Variants in PDZD7 observed in about 807,000 individuals in gnomAD.
The protein encoded by PDZD7 is PDZ domain-containing protein 7.
PDZD7 carries 72 observed loss-of-function variants against 84.7 expected under a neutral mutation model. The ratio of observed to expected loss-of-function variants is 0.85; its 90% CI spans 0.70 to 1.03. PDZD7 has a LOEUF of 1.03. Among genes scored for constraint, PDZD7 ranks in the 50% least tolerant of loss-of-function variants. The pLI is 0.00. For synonymous variants in PDZD7, 594 were observed against 580.7 expected (o/e 1.02, Z -0.33); for missense variants, 1,490 against 1,412.9 (o/e 1.05, Z -0.87).
Position 101,007,881 on chromosome 10 carries a change from C to CCCG in PDZD7, c.*585_*586insCGG, listed in dbSNP as rs1486339525. ...GAGTACAGGAACTTGTTTGACCCCC[C>CCCG]CCCCCCCACCATTTGCTGGCTATTC... On this transcript the variant is annotated 3_prime_UTR_variant, in exon 17 of 17. Coordinates refer to ENST00000619208, the MANE Select transcript of PDZD7 (RefSeq NM_001195263.2). 1 of 82,046 alleles carries CCCG rather than the reference C, an allele frequency of 1.2e-5. No individual in the cohort carries two copies. Among genetic ancestry groups the CCCG allele is most frequent in the Non-Finnish European group, 2.5e-5 (1 of 40,180 alleles). 5.1% of individuals were successfully genotyped at this position (82,046 alleles called of 1,614,324 possible). A position where few individuals can be genotyped will look rare whatever the true frequency, so the allele number is the denominator to read the frequency against.
intron 11 of PDZD7, 46 bp downstream of exon 11, chr10:101,015,590 G>T: frequency 6.7e-7 from 1 of 1,494,594 alleles, no homozygotes; most frequent in South Asian, 1.2e-5. Flanking sequence ...TGGGCTGGGT[G>T]ACTGAAGGAC....
At chr10:101,016,844 A>T (rs1322982882) in intron 9 of PDZD7, among the ~76,000 whole-genome samples, 5 of 151,980 alleles carry the variant, frequency 3.3e-5, no homozygotes, top group Admixed American at 2.6e-4. Flanking sequence ...GTGGGAAGAG[A>T]GATGCACTGA....
At position 101,018,989 on chromosome 10, in the gene PDZD7, A is replaced by G; in HGVS notation, c.1157T>C (p.Val386Ala). Residue 386 changes from valine (V) to alanine (A), a missense_variant, in exon 8 of 17, where the codon GTG becomes GCG. By Grantham distance (64) the Val-to-Ala change is moderately conservative. Coordinates refer to ENST00000619208, the MANE Select transcript of PDZD7 (RefSeq NM_001195263.2). ...AGGRVETWCS[V>A]RPTVILRDTA... ...GTCCCTGAGGATGACTGTGGGCCGC[A>G]CGCTGCACCAGGTCTCCACCCGGCC... The G allele has an allele frequency of 6.3e-7, 1 of 1,582,996 alleles. No homozygotes were observed. Among genetic ancestry groups the G allele is most frequent in the Admixed American group, 1.8e-5 (1 of 55,472 alleles).
chr10:101,026,792 G>A (rs1374293621), intron 2 of PDZD7, among the ~76,000 whole-genome samples: 1 of 151,862 alleles, frequency 6.6e-6, no homozygotes, highest in African/African-American at 2.4e-5. Context: ...GCAGCCTGGG[G>A]GGAGGGGTGG....
At position 101,030,159 on chromosome 10, in the gene PDZD7, A is replaced by C. The variant is rs1267998934; in HGVS notation, c.61T>G (p.Ser21Ala). The C allele has an allele frequency of 6.2e-7, 1 of 1,613,996 alleles. No individual in the cohort carries two copies. The highest frequency in any genetic ancestry group is 8.5e-7 in the Non-Finnish European group (1 of 1,179,974). ...CCTCGGGAGGAGAGGGAGCTCAGAG[A>C]GCCGGAGCTCAGGTCTCCTAGGCCC... The part of the protein sequence containing the change: ...PLGLGDLSSG[S>A]LSSLSSRGHL... The change falls in exon 2 of 17, where the codon TCT becomes GCT. Residue 21 changes from serine to alanine, a missense_variant. Physicochemically the swap from Ser to Ala is moderately conservative, Grantham distance 99 (BLOSUM62 1). Transcript: ENST00000619208.
In PDZD7 at chr10:101,021,938, G is replaced by C. The variant is rs561472174; in HGVS notation, c.727C>G (p.His243Asp). Reference sequence around the variant, plus strand: ...CCATTCTCCTCGGCCAGCCCACCATGGTCCACTCTGAGGCCAGACAGGCGT... The same window carrying C: ...CCATTCTCCTCGGCCAGCCCACCATCGTCCACTCTGAGGCCAGACAGGCGT... ...GLGIYVSKVD[H>D]GGLAEENGIK... The change falls in exon 6 of 17, where the codon CAT becomes GAT. Residue 243 changes from histidine to aspartate, a missense_variant. Transcript: ENST00000619208. 4 of 1,614,092 alleles carry C rather than the reference G, an allele frequency of 2.5e-6. No individual in the cohort carries two copies. In the African/African-American group the frequency reaches 4.0e-5, roughly 16 times the overall value.
At chr10:101,012,939 C>G (rs984203481) in intron 11 of PDZD7, among the ~76,000 whole-genome samples, 2 of 152,238 alleles carry the variant, frequency 1.3e-5, no homozygotes, top group Non-Finnish European at 2.9e-5. Context: ...ACCAGCCACA[C>G]CCCACTGACT....
In PDZD7 at chr10:101,023,474, A is replaced by G; in HGVS notation, c.504T>C (p.Arg168=). The part of the protein sequence containing the change: ...RLHMMVRRMG[R]VPGIKFSKEK... ...CCTTGGAGAACTTGATGCCCGGCACACGGCCCATGCGCCGAACCATCATGT... is the reference window on the plus strand; with the variant it reads ...CCTTGGAGAACTTGATGCCCGGCACGCGGCCCATGCGCCGAACCATCATGT... Residue 168 remains arginine, a synonymous_variant, in exon 4 of 17, where the codon CGT becomes CGC. Coordinates refer to ENST00000619208, the MANE Select transcript of PDZD7 (RefSeq NM_001195263.2). 1 of 1,614,048 alleles carries G rather than the reference A, an allele frequency of 6.2e-7. No individual in the cohort carries two copies. Among genetic ancestry groups the G allele is most frequent in the South Asian group, 1.1e-5 (1 of 91,090 alleles).
In PDZD7 at chr10:101,018,836, T is replaced by G. The variant is rs1171645832; in HGVS notation, c.1310A>C (p.Tyr437Ser). 6.3e-7 allele frequency: 1 copy of G among 1,599,278 alleles called. No individual in the cohort carries two copies. The highest frequency in any genetic ancestry group is 8.5e-7 in the Non-Finnish European group (1 of 1,171,638). The part of the protein sequence containing the change: ...PRPPITRSQS[Y>S]LTLWEEKQQR... ...CCCCCACGTACCCCACAAGGTCAGA[T>G]AGCTCTGGGAGCGCGTGATGGGGGG... Residue 437 changes from tyrosine (Y) to serine (S), a missense_variant, in exon 8 of 17, where the codon TAT (tyrosine) becomes TCT (serine). Physicochemically the swap from Tyr to Ser is moderately radical, Grantham distance 144 (BLOSUM62 -2). Coordinates refer to ENST00000619208, the MANE Select transcript of PDZD7 (RefSeq NM_001195263.2).
chr10:101,020,700 T>C, intron 6 of PDZD7, 22 bp from the exon 7 acceptor site: 1 of 1,600,804 alleles, frequency 6.2e-7, no homozygotes, highest in East Asian at 2.2e-5. Flanking sequence ...ATGGTGGGCA[T>C]AGGAGGGAAG....
At chr10:101,030,493 G>A in intron 1 of PDZD7, 109 bp from the exon 2 acceptor site, 1 of 607,960 alleles carries the variant, frequency 1.6e-6, no homozygotes, top group South Asian at 1.8e-5. Flanking sequence ...CCATGCCTTA[G>A]GCCCCCCTCC....
chr10:101,019,542 G>GCCGCCTCCTCCTCCTCCTCCTCCT (rs1852934224), intron 7 of PDZD7, among the ~76,000 whole-genome samples: 1 of 89,240 alleles, frequency 1.1e-5, no homozygotes, highest in African/African-American at 2.9e-5. Flanking sequence ...TTCTGCTTCT[G>GCCGCCTCCTCCTCCTCCTCCTCCT]CCTCCTCCTC....
chr10:101,019,322 C>G, intron 7 of PDZD7, 105 bp from the exon 8 acceptor site: 1 of 1,437,326 alleles, frequency 7.0e-7, no homozygotes, highest in Non-Finnish European at 9.3e-7. Context: ...GGTCAGGCAG[C>G]AGCCAGGGTT....
Position 101,008,576 on chromosome 10 carries a change from TG to T in PDZD7, c.2992del (p.Gln998ArgfsTer47). 2 of 1,535,530 alleles carry T rather than the reference TG, an allele frequency of 1.3e-6. No individual in the cohort carries two copies. The highest frequency in any genetic ancestry group is 2.4e-5 in the South Asian group (2 of 84,012). On this transcript the variant is annotated frameshift_variant, in exon 17 of 17. Transcript: ENST00000619208. LOFTEE classifies it low-confidence loss of function (END_TRUNC). Reference protein sequence around the residue: ...HWLPEPPTNPQTPPTDARLLQ... With the variant: ...HWLPEPPTNPXTPPTDARLLQ... ...GAGCCTGGCATCAGTGGGAGGAGTCTGGGGATTGGTGGGAGGTTCTGGGAGC... is the reference window on the plus strand; with the variant it reads ...GAGCCTGGCATCAGTGGGAGGAGTCTGGGATTGGTGGGAGGTTCTGGGAGC...
rs1272442068 is a variant in PDZD7 at position 101,021,925 on chromosome 10, G to C, written c.740C>G (p.Ala247Gly). 2 of 1,613,950 alleles carry C rather than the reference G, an allele frequency of 1.2e-6. No individual in the cohort carries two copies. The highest frequency in any genetic ancestry group is 1.1e-5 in the South Asian group (1 of 91,082). ...YVSKVDHGGL[A>G]EENGIKVGDQ... ...CCCCACCTTGATGCCATTCTCCTCG[G>C]CCAGCCCACCATGGTCCACTCTGAG... Residue 247 changes from alanine to glycine, a missense_variant, in exon 6 of 17, where the codon GCC becomes GGC. Transcript: ENST00000619208.
rs894683705 is a variant in PDZD7, at chr10:101,011,915, C to G, written c.1933+10G>C. 6.7e-5 allele frequency: 104 copies of G among 1,549,838 alleles called. No homozygotes were observed. The highest frequency in any genetic ancestry group is 8.7e-5 in the Non-Finnish European group (100 of 1,146,936). On this transcript the variant is annotated intron_variant, in intron 13 of 16. Transcript: ENST00000619208. ...CTCAGGACCCAGAAGCCCCGCCCCC[C>G]ACTGCTGACCTGCCCTGCTCTTGAG...
At position 101,008,684 on chromosome 10, in the gene PDZD7, G is replaced by A. The variant is rs1852294230; in HGVS notation, c.2885C>T (p.Ser962Leu). The change falls in exon 17 of 17, where the codon TCA becomes TTA. Residue 962 changes from serine to leucine, a missense_variant. Coordinates refer to ENST00000619208, the MANE Select transcript of PDZD7 (RefSeq NM_001195263.2). Reference sequence around the variant, plus strand: ...AGGAAGGCCCCCATCAGTAAGGGCTGATGAGTCAGAGGGTGAGGGCCGTGG... The same window carrying A: ...AGGAAGGCCCCCATCAGTAAGGGCTAATGAGTCAGAGGGTGAGGGCCGTGG... ...PSPRPSPSDS[S>L]ALTDGGLPAD... The A allele has an allele frequency of 1.3e-6, 2 of 1,536,030 alleles. No homozygotes were observed. The highest frequency in any genetic ancestry group is 1.7e-4 in the Middle Eastern group (1 of 5,990).
Position 101,030,022 on chromosome 10 carries a change from G to A in PDZD7, c.198C>T (p.Arg66=), listed in dbSNP as rs764353177. ...RGIRASSPMG[R]VILINSPIEA... ...CGATGGGGGAGTTGATGAGGATGACGCGTCCCATGGGCGATGAGGCTCGGA... is the reference window on the plus strand; with the variant it reads ...CGATGGGGGAGTTGATGAGGATGACACGTCCCATGGGCGATGAGGCTCGGA... The change falls in exon 2 of 17, where the codon CGC becomes CGT. Residue 66 remains arginine (R), a synonymous_variant. Coordinates refer to ENST00000619208, the MANE Select transcript of PDZD7 (RefSeq NM_001195263.2). 3.7e-6 allele frequency: 6 copies of A among 1,600,562 alleles called. No homozygotes were observed. The highest frequency in any genetic ancestry group is 2.3e-5 in the East Asian group (1 of 44,100).
Position 101,019,152 on chromosome 10 carries a change from C to T in PDZD7, c.994G>A (p.Ala332Thr), listed in dbSNP as rs1852902109. Residue 332 changes from alanine (A) to threonine (T), a missense_variant, in exon 8 of 17, where the codon GCC (alanine) becomes ACC (threonine). Transcript: ENST00000619208. ...SESSSSVSSC[A>T]SSAPYSSGSL... The stretch of plus-strand genomic sequence containing the variant: ...CCCGAGCTGTAGGGGGCGCTGGAGG[C>T]GCACGAAGAGACGCTGGAGCTGCTC... 6.5e-7 allele frequency: 1 copy of T among 1,543,156 alleles called. No homozygotes were observed. Among genetic ancestry groups the T allele is most frequent in the South Asian group, 1.2e-5 (1 of 84,514 alleles).
Sources: allele counts gnomAD v4.1 joint callset (sites outside exome capture counted in the v4.1 genomes callset), GRCh38; gene constraint gnomAD v4.1.1; transcripts MANE v1.5; gene names NCBI Gene and HGNC (gene_info 2026-07-23, HGNC 2026-07-21).